ST3GAL3: variants seen among roughly 807,000 people sequenced by gnomAD.
ST3GAL3 encodes CMP-N-acetylneuraminate-beta-1,4-galactoside alpha-2,3-sialyltransferase.
A neutral mutation model predicts 50.1 loss-of-function variants in ST3GAL3; 21 were observed. The observed-to-expected ratio is 0.42, with a 90% CI of 0.30 to 0.60. The LOEUF (loss-of-function observed/expected upper bound fraction) is 0.60, where lower values mean the gene tolerates loss of function less well. Among genes scored for constraint, ST3GAL3 ranks in the 20% least tolerant of loss-of-function variants. ST3GAL3 has a pLI of 0.19. For synonymous variants in ST3GAL3, 183 were observed against 190.0 expected (o/e 0.96, Z 0.30); for missense variants, 353 against 489.4 (o/e 0.72, Z 2.63).
chr1:43,714,106 A>C (rs1230420695), intron 1 of ST3GAL3, among the ~76,000 whole-genome samples: 1 of 149,832 alleles, frequency 6.7e-6, no homozygotes, highest in East Asian at 2.0e-4. Flanking sequence ...TCTATTAAAA[A>C]TACAAAAAGT....
chr1:43,913,396 T>C (rs745946745), intron 9 of ST3GAL3: 2 of 152,212 alleles, frequency 1.3e-5, no homozygotes, highest in Admixed American at 6.5e-5. Flanking sequence ...ACAAGGAACT[T>C]GAGGCTTAAA....
intron 9 of ST3GAL3, among the ~76,000 whole-genome samples, chr1:43,906,109 T>G (rs1199249723): frequency 4.8e-4 from 29 of 60,476 alleles, no homozygotes; most frequent in Non-Finnish European, 7.9e-4. Flanking sequence ...TCCTGCCACT[T>G]TTCCTCCCCC....
chr1:43,861,011 ATCCC>A (rs1296980743), intron 5 of ST3GAL3, among the ~76,000 whole-genome samples: 1 of 152,154 alleles, frequency 6.6e-6, no homozygotes, highest in Non-Finnish European at 1.5e-5. Context: ...TGTTTCACCG[ATCCC>A]TGTGGCTTGA....
intron 9 of ST3GAL3, among the ~76,000 whole-genome samples, chr1:43,909,608 G>A (rs753829151): frequency 6.6e-6 from 1 of 152,114 alleles, no homozygotes; most frequent in Non-Finnish European, 1.5e-5. Context: ...ACAACCAAAG[G>A]GAATTTTAAA....
chr1:43,711,247 A>G (rs1024167674), intron 1 of ST3GAL3, among the ~76,000 whole-genome samples: 1 of 152,232 alleles, frequency 6.6e-6, no homozygotes, highest in African/African-American at 2.4e-5. Flanking sequence ...CTTCACAGTT[A>G]CTCAGGAACT....
chr1:43,740,535 C>T (rs943152387), intron 2 of ST3GAL3, among the ~76,000 whole-genome samples: 5 of 151,762 alleles, frequency 3.3e-5, no homozygotes, highest in Non-Finnish European at 1.5e-5. Context: ...TCTGGAATTC[C>T]AGCACTTTGA....
intron 1 of ST3GAL3, among the ~76,000 whole-genome samples, chr1:43,725,178 C>G (rs1057289887): frequency 2.0e-5 from 3 of 152,074 alleles, no homozygotes; most frequent in Admixed American, 1.3e-4. Flanking sequence ...CAACTCTTTA[C>G]CTGCATGCTT....
At chr1:43,919,456 G>A (rs905996853) in intron 9 of ST3GAL3, 3 of 152,306 alleles carry the variant, frequency 2.0e-5, no homozygotes, top group African/African-American at 7.2e-5. Context: ...CTGCAGGGTT[G>A]GTTTGTGACC....
At position 43,714,353 on chromosome 1, in the gene ST3GAL3, C is replaced by T. The variant is rs138094038; in HGVS notation, c.-31+6660C>T. On this transcript the variant is annotated intron_variant, in intron 1 of 11. Coordinates refer to ENST00000347631, the MANE Select transcript of ST3GAL3 (RefSeq NM_006279.5). Reference sequence around the variant, plus strand: ...CTGTAATCCTAGCACTTTGGGAGGCCGAGGTGGGCGGATTGCCTGAGTTCA... The same window carrying T: ...CTGTAATCCTAGCACTTTGGGAGGCTGAGGTGGGCGGATTGCCTGAGTTCA... Among the ~76,000 whole-genome samples the T allele has an allele frequency of 2.8e-3, 420 of 148,546 alleles. 8 individuals carry two copies. The highest frequency in any genetic ancestry group is 0.024 in the Admixed American group (344 of 14,550).
At chr1:43,731,466 G>T (rs1228851893) in intron 1 of ST3GAL3, among the ~76,000 whole-genome samples, 2 of 144,466 alleles carry the variant, frequency 1.4e-5, no homozygotes, top group Admixed American at 1.4e-4. Context: ...CTCACTGCAA[G>T]CTCCACCTCC....
chr1:43,917,603 TTA>T (rs1491120757), intron 9 of ST3GAL3, among the ~76,000 whole-genome samples: 6 of 15,922 alleles, frequency 3.8e-4, no homozygotes, highest in South Asian at 1.9e-3. Context: ...AATATATATA[TTA>T]TATATTATAT....
intron 4 of ST3GAL3, among the ~76,000 whole-genome samples, chr1:43,830,374 G>T (rs1420182342): frequency 1.3e-5 from 2 of 152,036 alleles, no homozygotes; most frequent in African/African-American, 4.8e-5. Context: ...CATTTTGCTT[G>T]TAAAAATTCT....
At chr1:43,825,752 G>A (rs995469847) in intron 4 of ST3GAL3, among the ~76,000 whole-genome samples, 1 of 152,124 alleles carries the variant, frequency 6.6e-6, no homozygotes, top group African/African-American at 2.4e-5. Context: ...TTTGGCCGCA[G>A]GAAGGAAATT....
At chr1:43,802,971 C>T (rs190108411) in intron 3 of ST3GAL3, among the ~76,000 whole-genome samples, 261 of 152,158 alleles carry the variant, frequency 1.7e-3, no homozygotes, top group Admixed American at 2.7e-3. Flanking sequence ...CTCACTCTGT[C>T]GCCCAGTGCA....
At chr1:43,925,960 C>A (rs2083842832) in intron 11 of ST3GAL3, among the ~76,000 whole-genome samples, 1 of 152,080 alleles carries the variant, frequency 6.6e-6, no homozygotes, top group Admixed American at 6.6e-5. Flanking sequence ...GGAGTGGAAG[C>A]CAGATTGCAG....
chr1:43,822,448 TC>T (rs2062229689), intron 4 of ST3GAL3, among the ~76,000 whole-genome samples: 1 of 152,208 alleles, frequency 6.6e-6, no homozygotes, highest in East Asian at 1.9e-4. Flanking sequence ...ACTTTAATGC[TC>T]AGTCTAATTT....
At chr1:43,920,281 C>T (rs987251074) in intron 9 of ST3GAL3, 123 bp from the exon 10 acceptor site, 7 of 1,211,926 alleles carry the variant, frequency 5.8e-6, no homozygotes, top group Non-Finnish European at 7.2e-6. Flanking sequence ...ACCACAGGCC[C>T]TGGGTTCCCC....
intron 5 of ST3GAL3, chr1:43,838,679 T>C (rs1424822330): frequency 3.3e-6 from 1 of 305,516 alleles, no homozygotes; most frequent in East Asian, 7.6e-5. Context: ...ACCAACTAGC[T>C]GGCTTCAGGG....
At chr1:43,799,012 T>G (rs964034907) in intron 3 of ST3GAL3, among the ~76,000 whole-genome samples, 1 of 152,240 alleles carries the variant, frequency 6.6e-6, no homozygotes, top group Non-Finnish European at 1.5e-5. Flanking sequence ...AGTTTTACTT[T>G]TATTGACACA....
Sources: gnomAD v4.1 joint callset for allele counts (sites outside exome capture counted in the v4.1 genomes callset) on GRCh38, gnomAD v4.1.1 for gene constraint, MANE v1.5 for transcripts, NCBI Gene and HGNC (gene_info 2026-07-23, HGNC 2026-07-21) for gene names.